The following ZC3H4 variants were observed in gnomAD, a reference collection of about 807,000 sequenced individuals.
The protein encoded by ZC3H4 is zinc finger CCCH-type containing 4, also known as zinc finger CCCH domain-containing protein 4.
A neutral mutation model predicts 108.3 loss-of-function variants in ZC3H4; 13 were observed. That is an observed-to-expected ratio of 0.12 (90% CI 0.08 to 0.19). The LOEUF is 0.19. Among genes scored for constraint, ZC3H4 ranks in the 10% least tolerant of loss-of-function variants. ZC3H4 has a pLI of 1.00. For synonymous variants in ZC3H4, 917 were observed against 749.6 expected, an observed-to-expected ratio of 1.22 and a Z score of -3.65; for missense variants, 1,734 against 1,838.8, an observed-to-expected ratio of 0.94 and a Z score of 1.04.
At chr19:47,107,765 T>C (rs1198992089) in intron 2 of ZC3H4, among the ~76,000 whole-genome samples, 1 of 152,046 alleles carries the variant, frequency 6.6e-6, no homozygotes, top group Non-Finnish European at 1.5e-5. Context: ...ATGGGTGATG[T>C]GCCAGAAATC....
At chr19:47,075,572 CACTT>C (rs2057404920) in intron 11 of ZC3H4, among the ~76,000 whole-genome samples, 1 of 152,042 alleles carries the variant, frequency 6.6e-6, no homozygotes, top group Non-Finnish European at 1.5e-5. Context: ...TGGGCTCCCA[CACTT>C]ATTCTTCACG....
At chr19:47,102,296 C>T (rs958210808) in intron 2 of ZC3H4, among the ~76,000 whole-genome samples, 1 of 152,184 alleles carries the variant, frequency 6.6e-6, no homozygotes, top group Non-Finnish European at 1.5e-5. Flanking sequence ...TTAACCTCTA[C>T]AAATTATTTG....
In ZC3H4 at chr19:47,086,293, C is replaced by G. The variant is rs913346294; in HGVS notation, c.870+91G>C. ...TTCAGAAGGGCCGTATGTCTTCCTA[C>G]CTTGGCCTCACAGCCTCTACCAGCA... On this transcript the variant is annotated intron_variant, in intron 6 of 14. Coordinates refer to ENST00000253048, the MANE Select transcript of ZC3H4 (RefSeq NM_015168.2). 7 of 1,493,478 alleles carry G rather than the reference C, an allele frequency of 4.7e-6. No individual in the cohort carries two copies. The African/African-American group carries it at 8.4e-5, about 18-fold the overall frequency. The allele number at this position is 1,493,478 out of a possible 1,614,324, so 92.5% of individuals were successfully genotyped here. A position where few individuals can be genotyped will look rare whatever the true frequency, so the allele number is the denominator to read the frequency against.
chr19:47,109,676 G>C (rs145097678), intron 2 of ZC3H4, among the ~76,000 whole-genome samples: 2,101 of 152,282 alleles, frequency 0.014, 24 homozygotes, highest in South Asian at 0.038. Flanking sequence ...AACATATTAA[G>C]AGGAAGAAAA....
intron 14 of ZC3H4, among the ~76,000 whole-genome samples, chr19:47,068,508 C>T (rs2057262174): frequency 1.3e-5 from 2 of 152,238 alleles, no homozygotes; most frequent in Admixed American, 1.3e-4. Flanking sequence ...CAAGCAAAAC[C>T]TAGGCCAGTA....
chr19:47,082,062 C>T, intron 10 of ZC3H4, 122 bp downstream of exon 10: 1 of 858,230 alleles, frequency 1.2e-6, no homozygotes, highest in Non-Finnish European at 1.9e-6. Flanking sequence ...GATGGAGACT[C>T]ACAGAAAGCT....
intron 1 of ZC3H4, 67 bp from the exon 2 acceptor site, chr19:47,112,656 T>A: frequency 9.1e-7 from 1 of 1,102,704 alleles, no homozygotes; most frequent in Non-Finnish European, 1.1e-6. Context: ...GGGGCACACT[T>A]AAGCTCGGAG....
chr19:47,082,540 T>C (rs2057543339), intron 9 of ZC3H4, among the ~76,000 whole-genome samples: 1 of 152,110 alleles, frequency 6.6e-6, no homozygotes, highest in African/African-American at 2.4e-5. Flanking sequence ...CTCAAACTCC[T>C]GGGTTCAAGT....
At chr19:47,109,940 A>C (rs1241470515) in intron 2 of ZC3H4, among the ~76,000 whole-genome samples, 1 of 152,136 alleles carries the variant, frequency 6.6e-6, no homozygotes, top group Non-Finnish European at 1.5e-5. Flanking sequence ...TTTCCTTGTT[A>C]CGTGGAGGCC....
chr19:47,067,551 T>C lies in ZC3H4; in HGVS notation c.2717A>G (p.His906Arg). 1 of 1,601,144 alleles carries C rather than the reference T, an allele frequency of 6.2e-7. No individual in the cohort carries two copies. The highest frequency in any genetic ancestry group is 1.3e-5 in the African/African-American group (1 of 74,828). Reference sequence around the variant, plus strand: ...ACTGCTGGGGCCCACAGGGCTGGAATGAAGGCTGCCTTCGGGCTTGGAGGT... The same window carrying C: ...ACTGCTGGGGCCCACAGGGCTGGAACGAAGGCTGCCTTCGGGCTTGGAGGT... ...LPTSKPEGSL[H>R]SSPVGPSSSK... Residue 906 changes from histidine (H) to arginine (R), a missense_variant, in exon 15 of 15, where the codon CAT (histidine) becomes CGT (arginine). Physicochemically the swap from His to Arg is conservative, Grantham distance 29. Transcript: ENST00000253048. This position sits in a 1 kb window ranked among gnomAD's most constrained non-coding sequence, Gnocchi z 6.4.
chr19:47,104,421 A>G (rs1318494248), intron 2 of ZC3H4, among the ~76,000 whole-genome samples: 1 of 152,238 alleles, frequency 6.6e-6, no homozygotes, highest in Non-Finnish European at 1.5e-5. Flanking sequence ...TGAGGTTCAC[A>G]GTAACCCCAC....
At position 47,067,177 on chromosome 19, in the gene ZC3H4, T is replaced by C; in HGVS notation, c.3091A>G (p.Thr1031Ala). The change falls in exon 15 of 15, where the codon ACG (threonine) becomes GCG (alanine). Residue 1031 changes from threonine (T) to alanine (A), a missense_variant. Physicochemically the swap from Thr to Ala is moderately conservative, Grantham distance 58 (BLOSUM62 0). Around this residue, in one of 9 missense-constraint regions of ZC3H4, gnomAD observed 518 missense variants for 499.6 expected, o/e 1.04. Coordinates refer to ENST00000253048, the MANE Select transcript of ZC3H4 (RefSeq NM_015168.2). The surrounding 1 kb of genome is among the most constrained non-coding windows in gnomAD (Gnocchi z 6.4). ...PNARQRPGAS[T>A]DSSTQGANLP... is the part of the protein sequence containing the mutation. ...TTGGCGCCCTGTGTGCTGGAATCCGTGGAGGCGCCCGGGCGCTGCCGGGCG... is the reference window on the plus strand; with the variant it reads ...TTGGCGCCCTGTGTGCTGGAATCCGCGGAGGCGCCCGGGCGCTGCCGGGCG... 1 of 1,610,926 alleles carries C rather than the reference T, an allele frequency of 6.2e-7. No homozygotes were observed. Among genetic ancestry groups the C allele is most frequent in the Non-Finnish European group, 8.5e-7 (1 of 1,178,476 alleles).
Position 47,072,074 on chromosome 19 carries a change from T to C in ZC3H4, c.1850A>G (p.Asn617Ser), listed in dbSNP as rs767576125. ...GPPGPMGPGP[N>S]MGPPGPMGGP... ...GCCCATTGGCCCTGGGGGTCCCATG[T>C]TGGGCCCAGGGCCCATTGGCCCTGG... Residue 617 changes from asparagine to serine, a missense_variant, in exon 13 of 15, where the codon AAC (asparagine) becomes AGC (serine). Asn to Ser is a conservative substitution (Grantham distance 46). This residue lies in a region of ZC3H4 where 540 missense variants were observed against 484.1 expected (regional missense o/e 1.12). Transcript: ENST00000253048. The surrounding 1 kb of genome is among the most constrained non-coding windows in gnomAD (Gnocchi z 5.6). 2.5e-6 allele frequency: 4 copies of C among 1,578,560 alleles called. No homozygotes were observed. The highest frequency in any genetic ancestry group is 3.4e-6 in the Non-Finnish European group (4 of 1,162,852).
At position 47,090,011 on chromosome 19, in the gene ZC3H4, A is replaced by G. The variant is rs1176575185; in HGVS notation, c.671T>C (p.Leu224Pro). The G allele has an allele frequency of 6.2e-7, 1 of 1,614,036 alleles. No homozygotes were observed. The highest frequency in any genetic ancestry group is 1.3e-5 in the African/African-American group (1 of 74,912). The change falls in exon 5 of 15, where the codon CTG becomes CCG. Residue 224 changes from leucine (L) to proline (P), a missense_variant. Physicochemically the swap from Leu to Pro is moderately conservative, Grantham distance 98 (BLOSUM62 -3). Transcript: ENST00000253048. Reference protein sequence around the residue: ...KEDYDDFTKELNQYRRAKEGS... With the variant: ...KEDYDDFTKEPNQYRRAKEGS... ...CTCCTTGGCACGCCGGTACTGGTTCAGCTCTTTGGTGAAGTCGTCATAGTC... is the reference window on the plus strand; with the variant it reads ...CTCCTTGGCACGCCGGTACTGGTTCGGCTCTTTGGTGAAGTCGTCATAGTC...
At chr19:47,090,525 C>A (rs1053034761) in intron 4 of ZC3H4, among the ~76,000 whole-genome samples, 1 of 152,126 alleles carries the variant, frequency 6.6e-6, no homozygotes, top group African/African-American at 2.4e-5. Flanking sequence ...GGGAAGCAGG[C>A]GGGGGCTGCT....
intron 6 of ZC3H4, 135 bp from the exon 7 acceptor site, chr19:47,085,549 C>T: frequency 1.3e-6 from 1 of 756,344 alleles, no homozygotes; most frequent in Non-Finnish European, 2.1e-6. Context: ...TCCACACAGC[C>T]TGACGACAGG....
rs561588552 is a variant in ZC3H4, at chr19:47,076,320, C to T, written c.1441-3607G>A. Among the ~76,000 whole-genome samples the T allele has an allele frequency of 1.5e-4, 11 of 71,472 alleles. No individual in the cohort carries two copies. The South Asian group carries it at 1.6e-3, about 10-fold the overall frequency. The allele number at this position is 71,472 out of a possible 152,430, so 46.9% of individuals were successfully genotyped here. A position where few individuals can be genotyped will look rare whatever the true frequency, so the allele number is the denominator to read the frequency against. On this transcript the variant is annotated intron_variant, in intron 11 of 14. Transcript: ENST00000253048. ...GACTCAACACATGCACGCGTGCGCG[C>T]GCGCGCACACACACACACACACACA...
At chr19:47,079,941 G>C (rs1163956430) in intron 11 of ZC3H4, among the ~76,000 whole-genome samples, 1 of 152,144 alleles carries the variant, frequency 6.6e-6, no homozygotes, top group Non-Finnish European at 1.5e-5. Context: ...GGAGGGACTT[G>C]CCTTTTCCTA....
At chr19:47,091,580 T>C (rs1316559656) in intron 4 of ZC3H4, among the ~76,000 whole-genome samples, 1 of 118,814 alleles carries the variant, frequency 8.4e-6, no homozygotes, top group Non-Finnish European at 1.8e-5. Context: ...TCTCAAAAAA[T>C]AATTAAAATT....
Sources: gnomAD v4.1 joint callset for allele counts (sites outside exome capture counted in the v4.1 genomes callset) on GRCh38, gnomAD v4.1.1 for gene constraint, gnomAD v4.1.1 regional missense constraint, Gnocchi (gnomAD v3.1) non-coding constraint, MANE v1.5 for transcripts, NCBI Gene and HGNC (gene_info 2026-07-23, HGNC 2026-07-21) for gene names.